Variants in ATP8A2 observed in about 807,000 individuals in gnomAD.
ATP8A2 encodes phospholipid-transporting ATPase IB.
ATP8A2 carries 100 observed loss-of-function variants against 165.6 expected under a neutral mutation model. The observed-to-expected ratio is 0.60, with a 90% CI of 0.51 to 0.71. The LOEUF (loss-of-function observed/expected upper bound fraction) is 0.71. ATP8A2 is among the 30% of genes least tolerant of loss of function. The pLI is 0.00. For synonymous variants in ATP8A2, 543 were observed against 548.8 expected (o/e 0.99, Z 0.15); for missense variants, 1,227 against 1,479.5 (o/e 0.83, Z 2.80).
intron 24 of ATP8A2, among the ~76,000 whole-genome samples, chr13:25,591,583 C>CTTTTTTTT (rs749798935): frequency 7.6e-6 from 1 of 131,844 alleles, no homozygotes. Context: ...TAGCTTATAA[C>CTTTTTTTT]TTTTTTTTTT....
intron 2 of ATP8A2, among the ~76,000 whole-genome samples, chr13:25,472,406 A>AT (rs199875685): frequency 0.081 from 12,257 of 151,160 alleles, 796 homozygotes; most frequent in African/African-American, 0.18. Flanking sequence ...AAAAAAAAAA[A>AT]AAAAATTGAT....
intron 25 of ATP8A2, among the ~76,000 whole-genome samples, chr13:25,720,102 C>T (rs1045014576): frequency 2.6e-5 from 4 of 151,448 alleles, no homozygotes; most frequent in African/African-American, 9.7e-5. Context: ...AAGTTACCTT[C>T]TAGTTAAAAT....
intron 18 of ATP8A2, among the ~76,000 whole-genome samples, chr13:25,573,713 GT>G (rs2039534838): frequency 6.6e-6 from 1 of 152,142 alleles, no homozygotes; most frequent in African/African-American, 2.4e-5. Context: ...GTGCTGGGTG[GT>G]GGTAGTAGCA....
intron 1 of ATP8A2, among the ~76,000 whole-genome samples, chr13:25,402,944 T>C (rs2033683860): frequency 6.6e-6 from 1 of 152,178 alleles, no homozygotes; most frequent in Non-Finnish European, 1.5e-5. Context: ...TCAAAGATGG[T>C]GCCTTCTTGC....
At chr13:25,929,049 A>G (rs891230570) in intron 33 of ATP8A2, among the ~76,000 whole-genome samples, 2 of 151,418 alleles carry the variant, frequency 1.3e-5, no homozygotes, top group Admixed American at 6.6e-5. Context: ...AAGGCTAACA[A>G]CCTCTTCCCG....
intron 27 of ATP8A2, among the ~76,000 whole-genome samples, chr13:25,798,471 A>G (rs1047911595): frequency 6.6e-6 from 1 of 152,220 alleles, no homozygotes; most frequent in Non-Finnish European, 1.5e-5. Context: ...CTCTTGTCCA[A>G]CTGGCCTATC....
rs1593728594 is a variant in ATP8A2, at chr13:26,020,751, G to A, written c.*766G>A. ...CGATGGGCAGCCAACCCAAACCCGC[G>A]CCTTTCCTTGTTCCACTGCAGACTC... is the stretch of plus-strand genomic sequence containing the variant. On this transcript the variant is annotated 3_prime_UTR_variant, in exon 37 of 37. Transcript: ENST00000381655. The A allele has an allele frequency of 2.0e-5, 3 of 152,316 alleles. No homozygotes were observed. The highest frequency in any genetic ancestry group is 2.9e-5 in the Non-Finnish European group (2 of 68,134). 9.4% of individuals were successfully genotyped at this position (152,316 alleles called of 1,614,324 possible).
intron 35 of ATP8A2, among the ~76,000 whole-genome samples, chr13:26,006,456 TAGAG>T (rs1956739974): frequency 6.6e-6 from 1 of 152,068 alleles, no homozygotes; most frequent in Non-Finnish European, 1.5e-5. Flanking sequence ...CATGTACAAA[TAGAG>T]ATAGTTTTAC....
At chr13:25,731,889 C>T (rs1004699446) in intron 25 of ATP8A2, among the ~76,000 whole-genome samples, 8 of 152,148 alleles carry the variant, frequency 5.3e-5, no homozygotes, top group South Asian at 2.1e-4. Flanking sequence ...TGAAGGTCTT[C>T]GAAAGCTTAA....
At chr13:25,463,530 A>T (rs945026237) in intron 1 of ATP8A2, among the ~76,000 whole-genome samples, 2 of 152,086 alleles carry the variant, frequency 1.3e-5, no homozygotes, top group African/African-American at 4.8e-5. Flanking sequence ...TGTTTATGCA[A>T]TGGATAGAAA....
chr13:25,854,020 G>C (rs986712552), intron 30 of ATP8A2, among the ~76,000 whole-genome samples: 1 of 152,198 alleles, frequency 6.6e-6, no homozygotes, highest in African/African-American at 2.4e-5. Context: ...CTGGAACAGA[G>C]AGCAGGGCTG....
At chr13:26,007,372 A>G (rs961059631) in intron 35 of ATP8A2, among the ~76,000 whole-genome samples, 1 of 152,184 alleles carries the variant, frequency 6.6e-6, no homozygotes, top group African/African-American at 2.4e-5. Context: ...CACCTCCAGT[A>G]GAGTGTTTTT....
intron 35 of ATP8A2, among the ~76,000 whole-genome samples, chr13:25,990,264 A>AAG (rs1383502316): frequency 6.6e-6 from 1 of 150,468 alleles, no homozygotes; most frequent in South Asian, 2.1e-4. Context: ...GTAACTGTAA[A>AAG]AAAAAAAAAA....
chr13:25,443,261 A>C (rs369221885), intron 1 of ATP8A2, among the ~76,000 whole-genome samples: 1 of 152,204 alleles, frequency 6.6e-6, no homozygotes, highest in African/African-American at 2.4e-5. Flanking sequence ...TATAGTGATT[A>C]ATCTTCACTT....
At chr13:26,019,352 G>A (rs531248337) in intron 36 of ATP8A2, among the ~76,000 whole-genome samples, 12 of 152,336 alleles carry the variant, frequency 7.9e-5, no homozygotes, top group Admixed American at 2.0e-4. Flanking sequence ...AGCTGGGATC[G>A]CGCCACTGCA....
chr13:25,462,383 G>GA (rs1358422935), intron 1 of ATP8A2, among the ~76,000 whole-genome samples: 2 of 152,114 alleles, frequency 1.3e-5, no homozygotes, highest in Non-Finnish European at 2.9e-5. Flanking sequence ...AAAGAACTCA[G>GA]AAAAAATGCT....
intron 33 of ATP8A2, among the ~76,000 whole-genome samples, chr13:25,947,297 C>T (rs1404408366): frequency 6.6e-6 from 1 of 152,144 alleles, no homozygotes; most frequent in African/African-American, 2.4e-5. Context: ...CGTGCATGTA[C>T]TCTTTCTGTT....
intron 35 of ATP8A2, among the ~76,000 whole-genome samples, chr13:25,969,891 T>C (rs1955874511): frequency 6.6e-6 from 1 of 152,074 alleles, no homozygotes; most frequent in Non-Finnish European, 1.5e-5. Context: ...CCACTACGCG[T>C]GGTTGAGGCT....
At chr13:26,002,498 G>A (rs764121223) in intron 35 of ATP8A2, among the ~76,000 whole-genome samples, 43 of 151,380 alleles carry the variant, frequency 2.8e-4, no homozygotes, top group Non-Finnish European at 6.0e-4. Context: ...AAACCAACAC[G>A]GCACATGTAT....
Sources: gnomAD v4.1 joint callset for allele counts (sites outside exome capture counted in the v4.1 genomes callset) on GRCh38, gnomAD v4.1.1 for gene constraint, MANE v1.5 for transcripts, NCBI Gene and HGNC (gene_info 2026-07-23, HGNC 2026-07-21) for gene names.